PREX1: variants seen among roughly 807,000 people sequenced by gnomAD.
PREX1 encodes the protein phosphatidylinositol 3,4,5-trisphosphate-dependent Rac exchanger 1 protein.
PREX1 carries 41 observed loss-of-function variants against 198.3 expected under a neutral mutation model. The ratio of observed to expected loss-of-function variants is 0.21; its 90% CI spans 0.16 to 0.27. The LOEUF is 0.27. PREX1 is among the 10% of genes least tolerant of loss of function. The pLI, the probability that PREX1 is intolerant of heterozygous loss-of-function variation, is 1.00. For synonymous variants in PREX1, 843 were observed against 887.2 expected (o/e 0.95, Z 0.89); for missense variants, 1,620 against 2,200.7 (o/e 0.74, Z 5.28).
At chr20:48,768,063 A>C (rs946693872) in intron 1 of PREX1, among the ~76,000 whole-genome samples, 3 of 152,208 alleles carry the variant, frequency 2.0e-5, no homozygotes, top group African/African-American at 7.2e-5. Context: ...GGGTTGAGGT[A>C]GACAGAAGAT....
chr20:48,811,774 A>G (rs1040194386), intron 1 of PREX1, among the ~76,000 whole-genome samples: 3 of 152,248 alleles, frequency 2.0e-5, no homozygotes, highest in Non-Finnish European at 4.4e-5. Context: ...AGAATCTGAA[A>G]GTGAAGTTTC....
chr20:48,694,015 G>C (rs544672964), intron 7 of PREX1, among the ~76,000 whole-genome samples: 1 of 152,052 alleles, frequency 6.6e-6, no homozygotes, highest in Non-Finnish European at 1.5e-5. Context: ...AGGTTCAAGC[G>C]ATTCTCCTGC....
Position 48,729,476 on chromosome 20 carries a change from A to G in PREX1, c.520-3085T>C, listed in dbSNP as rs111913874. Among the ~76,000 whole-genome samples the G allele has an allele frequency of 3.0e-3, 456 of 151,970 alleles. 4 individuals carry two copies. Among genetic ancestry groups the G allele is most frequent in the African/African-American group, 9.4e-3 (390 of 41,460 alleles). On this transcript the variant is annotated intron_variant, in intron 4 of 39. Coordinates refer to ENST00000371941, the MANE Select transcript of PREX1 (RefSeq NM_020820.4). ...GACTAGAGTCTCTGCTGCCCCCCCAATGCCCCACCTGGATGTACTGCAGGT... is the reference window on the plus strand; with the variant it reads ...GACTAGAGTCTCTGCTGCCCCCCCAGTGCCCCACCTGGATGTACTGCAGGT...
At chr20:48,693,522 G>A (rs916012690) in intron 7 of PREX1, among the ~76,000 whole-genome samples, 1 of 152,174 alleles carries the variant, frequency 6.6e-6, no homozygotes, top group Non-Finnish European at 1.5e-5. Context: ...CCAGCACCGA[G>A]TCTACTAGCA....
intron 22 of PREX1, 83 bp downstream of exon 22, chr20:48,651,313 C>T: frequency 1.3e-6 from 2 of 1,505,382 alleles, no homozygotes; most frequent in Non-Finnish European, 1.8e-6. Flanking sequence ...GTGTCCCACC[C>T]AACTCCTTCT....
chr20:48,827,657 C>A lies in PREX1; in HGVS notation c.204G>T (p.Leu68Phe). 1 of 1,329,890 alleles carries A rather than the reference C, an allele frequency of 7.5e-7. No individual in the cohort carries two copies. The highest frequency in any genetic ancestry group is 2.2e-5 in the South Asian group (1 of 45,580). 82.4% of individuals were successfully genotyped at this position (1,329,890 alleles called of 1,614,324 possible). ...CGACACTCACCGACTGCAAGAAGCG[C>A]AAGGTGCCCACGTAGTCCCTCTCGG... ...LGTERDYVGT[L>F]RFLQSAFLHR... is the part of the protein sequence containing the mutation. Residue 68 changes from leucine to phenylalanine, a missense_variant, in exon 1 of 40, where the codon TTG becomes TTT. By Grantham distance (22) the Leu-to-Phe change is conservative. Around this residue, in one of 7 missense-constraint regions of PREX1, gnomAD observed 96 missense variants for 98.7 expected, o/e 0.97. Coordinates refer to ENST00000371941, the MANE Select transcript of PREX1 (RefSeq NM_020820.4). This position sits in a 1 kb window ranked among gnomAD's most constrained non-coding sequence, Gnocchi z 4.1.
At chr20:48,641,847 GAAGGAAGGAA>G (rs2089414492) in intron 29 of PREX1, among the ~76,000 whole-genome samples, 2 of 15,618 alleles carry the variant, frequency 1.3e-4, no homozygotes, top group African/African-American at 4.6e-4. Flanking sequence ...AGAGAGGAAG[GAAGGAAGGAA>G]GGAAGGAAGG....
chr20:48,785,392 C>A (rs941377182), intron 1 of PREX1, among the ~76,000 whole-genome samples: 5 of 152,236 alleles, frequency 3.3e-5, no homozygotes, highest in African/African-American at 1.2e-4. Flanking sequence ...ACCTTTAGGG[C>A]CCACTCATCG....
the PREX1 span, among the ~76,000 whole-genome samples, chr20:48,871,824 C>T: frequency 6.7e-6 from 1 of 148,726 alleles, no homozygotes. Flanking sequence ...AGAGTCAGGT[C>T]CAGCTCACCA....
At chr20:48,698,875 G>A (rs1382149614) in intron 7 of PREX1, among the ~76,000 whole-genome samples, 2 of 152,198 alleles carry the variant, frequency 1.3e-5, no homozygotes, top group Non-Finnish European at 2.9e-5. Flanking sequence ...GTCCTAAGAG[G>A]TACATACGAT....
At chr20:48,747,583 C>A (rs6090900) in intron 2 of PREX1, among the ~76,000 whole-genome samples, 10,772 of 152,228 alleles carry the variant, frequency 0.071, 471 homozygotes, top group South Asian at 0.18. Context: ...AAGTGGGGCC[C>A]GGGGCTAAAA....
At chr20:48,782,481 C>T (rs1189946646) in intron 1 of PREX1, among the ~76,000 whole-genome samples, 5 of 151,896 alleles carry the variant, frequency 3.3e-5, no homozygotes, top group South Asian at 4.1e-4. Context: ...TACCCAGTCT[C>T]GAGTATGTCT....
At chr20:48,718,834 A>G (rs927058741) in intron 5 of PREX1, among the ~76,000 whole-genome samples, 1 of 152,226 alleles carries the variant, frequency 6.6e-6, no homozygotes, top group African/African-American at 2.4e-5. Flanking sequence ...TCTTTATAAT[A>G]ACCAATAACT....
intron 1 of PREX1, among the ~76,000 whole-genome samples, chr20:48,813,562 T>C (rs1412449798): frequency 6.6e-6 from 1 of 152,230 alleles, no homozygotes; most frequent in Admixed American, 6.5e-5. Flanking sequence ...AACGTCTGTC[T>C]TCCTAAGTGA....
chr20:48,831,963 C>G (rs1393983118), upstream of PREX1, among the ~76,000 whole-genome samples: 1 of 152,110 alleles, frequency 6.6e-6, no homozygotes, highest in Non-Finnish European at 1.5e-5. Flanking sequence ...CTTCCTATCC[C>G]CATTTCAACT....
the PREX1 span, among the ~76,000 whole-genome samples, chr20:48,876,342 C>T: frequency 6.6e-4 from 101 of 152,290 alleles, 2 homozygotes; most frequent in South Asian, 0.015. Flanking sequence ...CTGTGGGATC[C>T]GCCCTTTGGA....
chr20:48,688,341 C>T (rs6019375), intron 10 of PREX1, among the ~76,000 whole-genome samples: 39,287 of 151,976 alleles, frequency 0.26, 6,480 homozygotes, highest in African/African-American at 0.47. Context: ...CAGAAGAGAA[C>T]AGAAACAGAT....
chr20:48,632,707 T>C, intron 33 of PREX1, 68 bp from the exon 34 acceptor site: 2 of 1,564,648 alleles, frequency 1.3e-6, no homozygotes, highest in Non-Finnish European at 1.8e-6. Flanking sequence ...CTGGCACACC[T>C]CTCCAGAACA....
chr20:48,814,894 T>C (rs1352206216), intron 1 of PREX1, among the ~76,000 whole-genome samples: 4 of 152,072 alleles, frequency 2.6e-5, no homozygotes, highest in South Asian at 2.1e-4. Context: ...GACCCAACTA[T>C]ATGATGCCTG....
Sources: allele counts gnomAD v4.1 joint callset (sites outside exome capture counted in the v4.1 genomes callset), GRCh38; gene constraint gnomAD v4.1.1; regional missense constraint gnomAD v4.1.1; non-coding constraint Gnocchi (gnomAD v3.1); transcripts MANE v1.5; gene names NCBI Gene and HGNC (gene_info 2026-07-23, HGNC 2026-07-21).